Variants in KCNIP1 observed in about 807,000 individuals in gnomAD.
KCNIP1 encodes potassium voltage-gated channel interacting protein 1.
A neutral mutation model predicts 33.0 loss-of-function variants in KCNIP1; 18 were observed. The observed-to-expected ratio is 0.55, with a 90% CI of 0.38 to 0.81. KCNIP1 has a LOEUF of 0.81. KCNIP1 is among the 30% of genes least tolerant of loss of function. The pLI is 0.00. For missense variants in KCNIP1, 238 were observed against 271.6 expected, an observed-to-expected ratio of 0.88 and a Z score of 0.87; for synonymous variants, 93 against 98.3, an observed-to-expected ratio of 0.95 and a Z score of 0.32.
intron 1 of KCNIP1, chr5:170,681,384 C>G (rs911159708): frequency 2.8e-6 from 1 of 358,706 alleles, no homozygotes; most frequent in African/African-American, 2.1e-5. Context: ...TGTGGTGCGC[C>G]TGGGGAGTGC....
chr5:170,478,739 A>G (rs1260014828), intron 1 of KCNIP1, among the ~76,000 whole-genome samples: 1 of 152,236 alleles, frequency 6.6e-6, no homozygotes, highest in African/African-American at 2.4e-5. Context: ...AAAGAAAAAA[A>G]GAAAAGGTTT....
At chr5:170,558,814 C>T (rs1206866533) in intron 1 of KCNIP1, among the ~76,000 whole-genome samples, 3 of 152,208 alleles carry the variant, frequency 2.0e-5, no homozygotes, top group African/African-American at 4.8e-5. Flanking sequence ...TACAATAAAA[C>T]AAAGTGCTTA....
chr5:170,395,190 G>A (rs909429774), intron 1 of KCNIP1, among the ~76,000 whole-genome samples: 1 of 152,164 alleles, frequency 6.6e-6, no homozygotes, highest in Non-Finnish European at 1.5e-5. Flanking sequence ...TTCCACAGGG[G>A]CTAAATTAAT....
intron 1 of KCNIP1, among the ~76,000 whole-genome samples, chr5:170,649,517 G>T (rs1760946445): frequency 6.6e-6 from 1 of 151,996 alleles, no homozygotes; most frequent in African/African-American, 2.4e-5. Flanking sequence ...ATGCATTTGG[G>T]TGCAGGCTCT....
intron 1 of KCNIP1, among the ~76,000 whole-genome samples, chr5:170,569,410 G>T (rs904485015): frequency 6.6e-6 from 1 of 152,234 alleles, no homozygotes; most frequent in Non-Finnish European, 1.5e-5. Flanking sequence ...CTCACTCTGG[G>T]CAGGCCCGAA....
chr5:170,410,829 G>GT (rs1755167039), intron 1 of KCNIP1, among the ~76,000 whole-genome samples: 2 of 152,234 alleles, frequency 1.3e-5, no homozygotes, highest in South Asian at 4.1e-4. Flanking sequence ...GGTTGGCTCA[G>GT]TGTAGGTGCA....
At chr5:170,404,780 C>CAA (rs558518481) in intron 1 of KCNIP1, among the ~76,000 whole-genome samples, 2 of 152,156 alleles carry the variant, frequency 1.3e-5, no homozygotes, top group Admixed American at 6.5e-5. Context: ...GGAGGAACTA[C>CAA]AAAATATTGT....
Position 170,469,665 on chromosome 5 carries a change from C to T in KCNIP1, c.88+115701C>T, listed in dbSNP as rs578060363. Among the ~76,000 whole-genome samples the T allele has an allele frequency of 2.6e-5, 4 of 152,284 alleles. No homozygotes were observed. In the South Asian group the frequency reaches 8.3e-4, roughly 32 times the overall value. On this transcript the variant is annotated intron_variant, in intron 1 of 7. Transcript: ENST00000377360. ...CAAACCCGCTAGAGGCTTCTCAGTT[C>T]TCATATCTCTTACTCTCCGGCTTTC... is the stretch of plus-strand genomic sequence containing the variant.
At chr5:170,566,186 G>A (rs1247140517) in intron 1 of KCNIP1, among the ~76,000 whole-genome samples, 2 of 151,902 alleles carry the variant, frequency 1.3e-5, no homozygotes, top group Non-Finnish European at 1.5e-5. Context: ...TCAGCCTCCC[G>A]AGTAGCTGGG....
At chr5:170,563,743 C>T (rs545036318) in intron 1 of KCNIP1, among the ~76,000 whole-genome samples, 7 of 152,282 alleles carry the variant, frequency 4.6e-5, no homozygotes, top group South Asian at 4.1e-4. Flanking sequence ...CAGGTTCAAA[C>T]GATTCTCCTG....
At position 170,716,296 on chromosome 5, in the gene KCNIP1, A is replaced by G. The variant is rs1360286479; in HGVS notation, c.62-2462A>G. ...AGTGAGGGATGGGATCATTTCATGG[A>G]GTTTTTGTTTCAAAATATTTCATTA... On this transcript the variant is annotated intron_variant, in intron 1 of 7. Coordinates refer to ENST00000328939, the MANE Select transcript of KCNIP1 (RefSeq NM_014592.4). 3.0e-4 allele frequency among the ~76,000 whole-genome samples: 46 copies of G among 152,228 alleles called. 1 individual carries two copies. The highest frequency in any genetic ancestry group is 3.0e-3 in the Admixed American group (46 of 15,286).
chr5:170,576,141 T>C (rs1311240995), intron 1 of KCNIP1, among the ~76,000 whole-genome samples: 2 of 152,210 alleles, frequency 1.3e-5, no homozygotes, highest in Admixed American at 6.5e-5. Context: ...TCAAGATGGC[T>C]TATTCTCAGG....
At chr5:170,664,665 C>T (rs1032606636) in intron 1 of KCNIP1, among the ~76,000 whole-genome samples, 5 of 152,084 alleles carry the variant, frequency 3.3e-5, no homozygotes, top group African/African-American at 1.2e-4. Context: ...GGCTAGATTT[C>T]GGGGATGAAA....
intron 1 of KCNIP1, among the ~76,000 whole-genome samples, chr5:170,392,643 C>T (rs183797794): frequency 6.6e-5 from 10 of 152,156 alleles, no homozygotes; most frequent in African/African-American, 2.4e-4. Context: ...GCCAACATGG[C>T]GAAACCCCGT....
In KCNIP1 at chr5:170,504,207, C is replaced by G; in HGVS notation, c.-366C>G. The G allele has an allele frequency of 5.8e-6, 6 of 1,041,968 alleles. No homozygotes were observed. The highest frequency in any genetic ancestry group is 5.8e-6 in the Non-Finnish European group (5 of 867,720). 64.5% of individuals were successfully genotyped at this position (1,041,968 alleles called of 1,614,324 possible). On this transcript the variant is annotated 5_prime_UTR_variant, in exon 1 of 8. Coordinates refer to ENST00000328939, the MANE Select transcript of KCNIP1 (RefSeq NM_014592.4). The surrounding 1 kb of genome is among the most constrained non-coding windows in gnomAD (Gnocchi z 6.0). Reference sequence around the variant, plus strand: ...GGCGGACGGCGGCTCCCGCACCGCACGCGGCGCTGGCTCGGCAGCCTCGGC... The same window carrying G: ...GGCGGACGGCGGCTCCCGCACCGCAGGCGGCGCTGGCTCGGCAGCCTCGGC...
chr5:170,528,163 C>T (rs1755649174), intron 1 of KCNIP1, among the ~76,000 whole-genome samples: 1 of 152,066 alleles, frequency 6.6e-6, no homozygotes, highest in African/African-American at 2.4e-5. Context: ...CCAATCCCAC[C>T]CAGGCTGCTC....
At chr5:170,684,594 T>C (rs1360001023) in intron 1 of KCNIP1, among the ~76,000 whole-genome samples, 1 of 152,236 alleles carries the variant, frequency 6.6e-6, no homozygotes, top group East Asian at 1.9e-4. Flanking sequence ...CCCATTGATT[T>C]GGAATGCTAG....
intron 1 of KCNIP1, chr5:170,377,777 T>A (rs1003310292): frequency 4.6e-5 from 7 of 152,200 alleles, no homozygotes; most frequent in African/African-American, 1.7e-4. Context: ...TTTCACCATG[T>A]TAGCCAGGAT....
At chr5:170,354,617 G>A (rs1763296091) in intron 1 of KCNIP1, among the ~76,000 whole-genome samples, 2 of 152,230 alleles carry the variant, frequency 1.3e-5, no homozygotes, top group African/African-American at 4.8e-5. Context: ...GTGGTTTGCA[G>A]GAGTAACTGT....
Sources: gnomAD v4.1 joint callset for allele counts (sites outside exome capture counted in the v4.1 genomes callset) on GRCh38, gnomAD v4.1.1 for gene constraint, Gnocchi (gnomAD v3.1) non-coding constraint, MANE v1.5 for transcripts, NCBI Gene and HGNC (gene_info 2026-07-23, HGNC 2026-07-21) for gene names.